The following PAK3 variants were observed in gnomAD, a reference collection of about 807,000 sequenced individuals.
The protein encoded by PAK3 is serine/threonine-protein kinase PAK 3.
Under a neutral mutation model 41.0 loss-of-function variants are expected in PAK3, and 4 were observed. The observed-to-expected ratio is 0.10, with a 90% confidence interval of 0.05 to 0.22. The LOEUF (loss-of-function observed/expected upper bound fraction) is 0.22. PAK3 is among the 10% of genes least tolerant of loss of function. PAK3 has a pLI of 1.00. For missense variants in PAK3, 205 were observed against 409.9 expected (o/e 0.50, Z 4.32); for synonymous variants, 146 against 139.6 (o/e 1.05, Z -0.32).
chrX:111,116,640 T>C (rs1262715962), intron 4 of PAK3, among the ~76,000 whole-genome samples: 1 of 112,365 alleles, frequency 8.9e-6, no homozygotes, highest in East Asian at 2.8e-4. Flanking sequence ...GCAACTATAA[T>C]ATGCTGGCTT....
intron 1 of PAK3, among the ~76,000 whole-genome samples, chrX:111,010,270 G>A (rs1477515150): frequency 8.9e-6 from 1 of 111,886 alleles, no homozygotes; most frequent in African/African-American, 3.3e-5. Context: ...TTGGGATTAT[G>A]TGAGAACCAC....
intron 1 of PAK3, among the ~76,000 whole-genome samples, chrX:110,995,271 G>T (rs1403970380): frequency 9.0e-6 from 1 of 111,214 alleles, no homozygotes; most frequent in Non-Finnish European, 1.9e-5. Flanking sequence ...GGATTTTCTA[G>T]TTAGAAAGCA....
chrX:111,085,222 G>GT (rs1273847263), intron 1 of PAK3, among the ~76,000 whole-genome samples: 1 of 111,494 alleles, frequency 9.0e-6, no homozygotes, highest in Non-Finnish European at 1.9e-5. Context: ...AGAAAAAAAT[G>GT]TTTTTTTCAA....
chrX:111,116,565 T>C (rs2093467572), intron 4 of PAK3, among the ~76,000 whole-genome samples: 1 of 112,129 alleles, frequency 8.9e-6, no homozygotes, highest in Admixed American at 9.5e-5. Flanking sequence ...TTATATGCAG[T>C]ATATGGAGTC....
chrX:111,034,880 G>T (rs766471558), intron 1 of PAK3, among the ~76,000 whole-genome samples: 2 of 109,933 alleles, frequency 1.8e-5, no homozygotes, highest in Non-Finnish European at 3.8e-5. Context: ...TTGGGTAGAA[G>T]GCTTGAGCTC....
intron 11 of PAK3, among the ~76,000 whole-genome samples, chrX:111,189,099 A>G (rs1413664338): frequency 9.0e-6 from 1 of 110,900 alleles, no homozygotes; most frequent in Non-Finnish European, 1.9e-5. Context: ...AGTAGTCCCC[A>G]GTGTCTATTG....
intron 6 of PAK3, among the ~76,000 whole-genome samples, chrX:111,147,094 A>G (rs1243669151): frequency 1.8e-5 from 2 of 110,876 alleles, no homozygotes; most frequent in Non-Finnish European, 3.8e-5. Context: ...CCCTGGAGAA[A>G]GCTGCAGGGG....
rs191736043 is a variant in PAK3, at chrX:111,049,461, A to G, written c.-27-73616A>G. ...GTAGACACACAATAAATATATATTG[A>G]GTGAATGTGGCATAAATTAATTAGC... On this transcript the variant is annotated intron_variant, in intron 1 of 14. Transcript: ENST00000425146. Among the ~76,000 whole-genome samples, 165 of 112,142 alleles carry G rather than the reference A, an allele frequency of 1.5e-3. 1 individual carries two copies. Among genetic ancestry groups the G allele is most frequent in the Non-Finnish European group, 5.1e-4 (27 of 53,265 alleles).
intron 5 of PAK3, among the ~76,000 whole-genome samples, chrX:111,131,947 T>C (rs2093723908): frequency 9.0e-6 from 1 of 111,586 alleles, no homozygotes; most frequent in Admixed American, 9.5e-5. Flanking sequence ...GTGTGCTCTG[T>C]GACCCACAAA....
chrX:111,080,203 C>A (rs1334210727), intron 1 of PAK3, among the ~76,000 whole-genome samples: 2 of 111,807 alleles, frequency 1.8e-5, no homozygotes, highest in African/African-American at 3.3e-5. Context: ...TATCAAACAG[C>A]ATCTCATGCT....
In PAK3 at chrX:111,105,970, A is replaced by G. The variant is rs183944176; in HGVS notation, c.-28+2664A>G. 5.4e-5 allele frequency among the ~76,000 whole-genome samples: 6 copies of G among 111,981 alleles called. No homozygotes were observed. The Admixed American group carries it at 5.7e-4, about 11-fold the overall frequency. On this transcript the variant is annotated intron_variant, in intron 4 of 17. Transcript: ENST00000372007. ...CTCATACAAATTCACATAAACATACATACTGCACATGTACTTAACACTCAC... is the reference window on the plus strand; with the variant it reads ...CTCATACAAATTCACATAAACATACGTACTGCACATGTACTTAACACTCAC...
At chrX:111,126,462 T>A (rs2093650482) in intron 5 of PAK3, among the ~76,000 whole-genome samples, 1 of 110,889 alleles carries the variant, frequency 9.0e-6, no homozygotes, top group Admixed American at 9.6e-5. Flanking sequence ...TCCTATCTCT[T>A]GGTAACTGCT....
At chrX:111,116,084 A>G (rs761466655) in intron 4 of PAK3, among the ~76,000 whole-genome samples, 3 of 110,975 alleles carry the variant, frequency 2.7e-5, no homozygotes, top group Non-Finnish European at 3.8e-5. Flanking sequence ...AACAGAGACA[A>G]TCGAGACCCC....
Position 110,962,642 on chromosome X carries a change from G to A in PAK3, c.-28+18014G>A, listed in dbSNP as rs190165449. ...TGTGTGTTCTGGAGTGAAGTTGGGG[G>A]CAGCAGGCCGAGCAGGCCACATAAC... On this transcript the variant is annotated intron_variant, in intron 1 of 14. Transcript: ENST00000425146. Among the ~76,000 whole-genome samples the A allele has an allele frequency of 1.2e-4, 14 of 112,441 alleles. No homozygotes were observed. The East Asian group carries it at 3.4e-3, about 27-fold the overall frequency.
chrX:111,215,547 A>G (rs753981192), intron 16 of PAK3, among the ~76,000 whole-genome samples: 79 of 111,450 alleles, frequency 7.1e-4, no homozygotes, highest in Non-Finnish European at 1.4e-3. Context: ...TCAAAAAAAA[A>G]ACCTTCAAAA....
intron 4 of PAK3, among the ~76,000 whole-genome samples, chrX:111,104,768 T>C (rs1026511330): frequency 2.7e-5 from 3 of 111,341 alleles, no homozygotes; most frequent in African/African-American, 9.8e-5. Context: ...TTTTTTCTAA[T>C]AGTTATTGCT....
intron 4 of PAK3, among the ~76,000 whole-genome samples, chrX:111,109,819 A>G (rs1039989642): frequency 4.3e-4 from 48 of 112,375 alleles, no homozygotes; most frequent in African/African-American, 1.5e-3. Flanking sequence ...TTTACTTACG[A>G]CAAAGCCCTA....
chrX:111,087,825 C>A, intron 1 of PAK3, among the ~76,000 whole-genome samples: 1 of 107,772 alleles, frequency 9.3e-6, no homozygotes. Context: ...GGTAAAGCCT[C>A]CAAGAAGATC....
At chrX:110,987,520 G>A (rs2091565012) in intron 1 of PAK3, among the ~76,000 whole-genome samples, 1 of 111,836 alleles carries the variant, frequency 8.9e-6, no homozygotes, top group Admixed American at 9.5e-5. Flanking sequence ...TGGCAGCTTG[G>A]CTGTGAACTT....
Sources: allele counts gnomAD v4.1 joint callset (sites outside exome capture counted in the v4.1 genomes callset), GRCh38; gene constraint gnomAD v4.1.1; transcripts MANE v1.5; gene names NCBI Gene and HGNC (gene_info 2026-07-23, HGNC 2026-07-21).